SORCS2: variants seen among roughly 807,000 people sequenced by gnomAD.
SORCS2 encodes the protein sortilin related VPS10 domain containing receptor 2, also known as VPS10 domain-containing receptor SorCS2.
In SORCS2, 100 loss-of-function variants were observed where a neutral mutation model predicts 141.6. The observed-to-expected ratio is 0.71, with a 90% CI of 0.60 to 0.83. SORCS2 has a LOEUF of 0.83. Among genes scored for constraint, SORCS2 ranks in the 40% least tolerant of loss-of-function variants. SORCS2 has a pLI of 0.00. For synonymous variants in SORCS2, 789 were observed against 676.9 expected, an observed-to-expected ratio of 1.17 and a Z score of -2.57; for missense variants, 1,646 against 1,560.2, an observed-to-expected ratio of 1.05 and a Z score of -0.93.
chr4:7,222,586 G>C (rs977251263), intron 1 of SORCS2, among the ~76,000 whole-genome samples: 7 of 152,216 alleles, frequency 4.6e-5, no homozygotes, highest in Non-Finnish European at 1.0e-4. Flanking sequence ...ACAGCCACTG[G>C]CTTGGTGCAC....
At chr4:7,585,722 G>T (rs1716493255) in intron 3 of SORCS2, among the ~76,000 whole-genome samples, 1 of 152,184 alleles carries the variant, frequency 6.6e-6, no homozygotes, top group Admixed American at 6.5e-5. Context: ...TAGTAATTCT[G>T]ATTCACCTCT....
chr4:7,209,445 G>C (rs927672659), intron 1 of SORCS2, among the ~76,000 whole-genome samples: 1 of 152,142 alleles, frequency 6.6e-6, no homozygotes, highest in Non-Finnish European at 1.5e-5. Flanking sequence ...GTCAGGCCAG[G>C]CACCTCTCTC....
intron 1 of SORCS2, among the ~76,000 whole-genome samples, chr4:7,380,582 A>G (rs1048011877): frequency 6.6e-6 from 1 of 152,220 alleles, no homozygotes; most frequent in African/African-American, 2.4e-5. Context: ...AAGGACGTCA[A>G]TGTGGTTTCC....
chr4:7,451,542 G>T (rs1728467173), intron 2 of SORCS2, among the ~76,000 whole-genome samples: 1 of 152,240 alleles, frequency 6.6e-6, no homozygotes, highest in Non-Finnish European at 1.5e-5. Flanking sequence ...TGACATGGGG[G>T]ACCAGCCTTC....
At chr4:7,448,838 CCCTCTCTT>C (rs1284478211) in intron 2 of SORCS2, among the ~76,000 whole-genome samples, 3 of 1,364 alleles carry the variant, frequency 2.2e-3, no homozygotes, top group Non-Finnish European at 3.4e-3. Context: ...TCTCTCTTTT[CCCTCTCTT>C]CCTCCCTCCC....
intron 2 of SORCS2, among the ~76,000 whole-genome samples, chr4:7,425,111 T>TC (rs1259298377): frequency 6.6e-6 from 1 of 152,166 alleles, no homozygotes; most frequent in Non-Finnish European, 1.5e-5. Context: ...TCCTGCTCTC[T>TC]CCAGCCTCTC....
intron 1 of SORCS2, among the ~76,000 whole-genome samples, chr4:7,212,473 G>A (rs1167507365): frequency 1.3e-5 from 2 of 152,242 alleles, no homozygotes; most frequent in Non-Finnish European, 1.5e-5. Context: ...CCAGGGGGCT[G>A]GCTTCAGGCA....
In SORCS2 at chr4:7,380,669, G is replaced by A. The variant is rs199896128; in HGVS notation, c.481-15619G>A. On this transcript the variant is annotated intron_variant, in intron 1 of 26. Transcript: ENST00000507866. The stretch of plus-strand genomic sequence containing the variant: ...CTCCTTAATAAAGTCAGGGCGGGGC[G>A]TAGGCCTCAAGCTTGTCTTCTGCAA... 1.2e-4 allele frequency among the ~76,000 whole-genome samples: 19 copies of A among 152,364 alleles called. No individual in the cohort carries two copies. In the East Asian group the frequency reaches 3.1e-3, roughly 25 times the overall value.
intron 3 of SORCS2, among the ~76,000 whole-genome samples, chr4:7,543,635 T>C (rs1480151205): frequency 1.9e-4 from 16 of 85,596 alleles, no homozygotes; most frequent in African/African-American, 6.5e-4. Context: ...CATCCACCCA[T>C]CCGTCCATCC....
At chr4:7,328,784 C>A (rs1189519665) in intron 1 of SORCS2, among the ~76,000 whole-genome samples, 1 of 152,224 alleles carries the variant, frequency 6.6e-6, no homozygotes, top group East Asian at 1.9e-4. Context: ...TGGCCCCGAC[C>A]AGGGGCTACC....
intron 9 of SORCS2, among the ~76,000 whole-genome samples, chr4:7,680,051 G>A (rs1014467078): frequency 3.9e-5 from 6 of 152,224 alleles, no homozygotes; most frequent in African/African-American, 1.2e-4. Context: ...GAAGCCCTCT[G>A]GGTGATGTCC....
At chr4:7,563,407 G>A (rs1369872572) in intron 3 of SORCS2, among the ~76,000 whole-genome samples, 2 of 152,072 alleles carry the variant, frequency 1.3e-5, no homozygotes, top group Non-Finnish European at 2.9e-5. Flanking sequence ...ACCTACCCAG[G>A]GCAAGTCTAG....
At chr4:7,366,385 G>A (rs925426585) in intron 1 of SORCS2, among the ~76,000 whole-genome samples, 3 of 151,892 alleles carry the variant, frequency 2.0e-5, no homozygotes, top group South Asian at 4.2e-4. Context: ...GGCAGCCTGC[G>A]GGGGGATCCT....
chr4:7,331,916 G>T (rs557985172), intron 1 of SORCS2, among the ~76,000 whole-genome samples: 68 of 152,304 alleles, frequency 4.5e-4, no homozygotes, highest in Non-Finnish European at 7.4e-4. Flanking sequence ...TTCCTACAGG[G>T]TATGACTGGG....
chr4:7,274,572 C>T (rs1715360475), intron 1 of SORCS2, among the ~76,000 whole-genome samples: 1 of 152,084 alleles, frequency 6.6e-6, no homozygotes, highest in Non-Finnish European at 1.5e-5. Flanking sequence ...TTTAAACAAC[C>T]AGATCGTATG....
chr4:7,620,492 G>T (rs1377391997), intron 3 of SORCS2, among the ~76,000 whole-genome samples: 1 of 152,230 alleles, frequency 6.6e-6, no homozygotes, highest in East Asian at 1.9e-4. Context: ...CTGGGGGAGG[G>T]TGCAACTTCC....
intron 1 of SORCS2, among the ~76,000 whole-genome samples, chr4:7,346,624 G>C (rs897462417): frequency 2.6e-5 from 4 of 152,246 alleles, no homozygotes; most frequent in Middle Eastern, 3.2e-3. Context: ...ATTATTGAGA[G>C]TAGGACACTG....
At chr4:7,326,627 A>C (rs1016961396) in intron 1 of SORCS2, among the ~76,000 whole-genome samples, 1 of 152,054 alleles carries the variant, frequency 6.6e-6, no homozygotes, top group Non-Finnish European at 1.5e-5. Context: ...GTGGAGGCTC[A>C]GCAGGGACCC....
At chr4:7,541,455 G>T (rs970453704) in intron 3 of SORCS2, among the ~76,000 whole-genome samples, 2 of 152,214 alleles carry the variant, frequency 1.3e-5, no homozygotes, top group South Asian at 4.1e-4. Flanking sequence ...CTCTGATGAT[G>T]GTCTCTGGGC....
Sources: allele counts gnomAD v4.1 joint callset (sites outside exome capture counted in the v4.1 genomes callset), GRCh38; gene constraint gnomAD v4.1.1; transcripts MANE v1.5; gene names NCBI Gene and HGNC (gene_info 2026-07-23, HGNC 2026-07-21).